Variants in HS3ST5 observed in about 807,000 individuals in gnomAD.
HS3ST5 encodes the protein heparan sulfate-glucosamine 3-sulfotransferase 5.
In HS3ST5, 10 loss-of-function variants were observed where a neutral mutation model predicts 25.4. The ratio of observed to expected loss-of-function variants is 0.39; its 90% CI spans 0.24 to 0.67. HS3ST5 has a LOEUF of 0.67. HS3ST5 is among the 30% of genes least tolerant of loss of function. The pLI, the probability that HS3ST5 is intolerant of heterozygous loss-of-function variation, is 0.44. For missense variants in HS3ST5, 324 were observed against 420.7 expected, an observed-to-expected ratio of 0.77 and a Z score of 2.01; for synonymous variants, 170 against 162.4, an observed-to-expected ratio of 1.05 and a Z score of -0.36.
At chr6:114,126,835 G>T (rs1777062275) in intron 3 of HS3ST5, among the ~76,000 whole-genome samples, 1 of 152,160 alleles carries the variant, frequency 6.6e-6, no homozygotes, top group South Asian at 2.1e-4. Context: ...AGCCATCCTT[G>T]TACCTTTCAA....
chr6:114,257,788 G>C (rs1171473120), intron 1 of HS3ST5, among the ~76,000 whole-genome samples: 1 of 152,004 alleles, frequency 6.6e-6, no homozygotes, highest in Non-Finnish European at 1.5e-5. Context: ...CCAGGCTGGA[G>C]TGCAGTGGCA....
At chr6:114,108,655 C>CA (rs1393551464) in intron 3 of HS3ST5, among the ~76,000 whole-genome samples, 2 of 151,612 alleles carry the variant, frequency 1.3e-5, no homozygotes, top group African/African-American at 4.8e-5. Context: ...ATGGAGCAGG[C>CA]AAAAAATGCA....
In HS3ST5 at chr6:114,093,747, A is replaced by T. The variant is rs191062473; in HGVS notation, c.-32-30870T>A. ...GAACTAAAATCTGAGCAGACAAAAA[A>T]AACGAAAACAAGCCTGCTTTGTATA... On this transcript the variant is annotated intron_variant, in intron 3 of 4. Transcript: ENST00000312719. 1.2e-4 allele frequency among the ~76,000 whole-genome samples: 18 copies of T among 152,306 alleles called. 1 individual carries two copies. The East Asian group carries it at 3.5e-3, about 29-fold the overall frequency.
At chr6:114,259,987 T>C (rs1378390384) in intron 1 of HS3ST5, among the ~76,000 whole-genome samples, 1 of 152,216 alleles carries the variant, frequency 6.6e-6, no homozygotes, top group Non-Finnish European at 1.5e-5. Flanking sequence ...AGTTATCAAG[T>C]TGAGTTATTC....
chr6:114,225,206 C>T (rs963872340), intron 2 of HS3ST5, among the ~76,000 whole-genome samples: 4 of 151,792 alleles, frequency 2.6e-5, no homozygotes, highest in Non-Finnish European at 5.9e-5. Flanking sequence ...AATAGCATGA[C>T]TTATAGTCTC....
chr6:114,083,391 A>G (rs1489250926), intron 3 of HS3ST5, among the ~76,000 whole-genome samples: 2 of 152,076 alleles, frequency 1.3e-5, no homozygotes, highest in Non-Finnish European at 2.9e-5. Flanking sequence ...GGGAGGCAAA[A>G]GAACAAGAGG....
intron 3 of HS3ST5, among the ~76,000 whole-genome samples, chr6:114,107,861 G>A (rs1444098124): frequency 1.3e-5 from 2 of 152,166 alleles, no homozygotes; most frequent in Non-Finnish European, 2.9e-5. Context: ...TATAAATGGA[G>A]CAGTATAACT....
chr6:114,242,252 G>A (rs1017728608), intron 1 of HS3ST5, among the ~76,000 whole-genome samples: 4 of 151,794 alleles, frequency 2.6e-5, no homozygotes, highest in Non-Finnish European at 4.4e-5. Context: ...ATAATATTTT[G>A]GATTTATTTA....
intron 4 of HS3ST5, chr6:114,058,774 G>T (rs1422970184): frequency 6.5e-6 from 1 of 153,228 alleles, no homozygotes; most frequent in Non-Finnish European, 1.5e-5. Context: ...GAGACTCTCT[G>T]CCCTGGGCCT....
chr6:114,093,656 T>C (rs1775264100), intron 3 of HS3ST5, among the ~76,000 whole-genome samples: 2 of 152,072 alleles, frequency 1.3e-5, no homozygotes, highest in East Asian at 1.9e-4. Flanking sequence ...GGCTCCCCAT[T>C]GTGCAGTATC....
rs111358339 is a variant in HS3ST5 at position 114,254,547 on chromosome 6, T to C, written c.-338-25769A>G. Among the ~76,000 whole-genome samples the C allele has an allele frequency of 1.7e-3, 252 of 152,302 alleles. 1 individual carries two copies. The highest frequency in any genetic ancestry group is 5.9e-3 in the African/African-American group (247 of 41,564). The stretch of plus-strand genomic sequence containing the variant: ...GCTTAGGAGGCAGAATTGGCAGTTG[T>C]ATTAGTCCTTTTTCACACTGCTGAT... On this transcript the variant is annotated intron_variant, in intron 1 of 4. Coordinates refer to ENST00000312719, the MANE Select transcript of HS3ST5 (RefSeq NM_153612.4).
intron 3 of HS3ST5, among the ~76,000 whole-genome samples, chr6:114,161,613 G>A (rs1395789080): frequency 1.6e-5 from 2 of 127,166 alleles, no homozygotes; most frequent in African/African-American, 5.8e-5. Context: ...TGTTAGGGAA[G>A]AAGGTTGCAT....
chr6:114,138,999 C>G (rs1007504726), intron 3 of HS3ST5, among the ~76,000 whole-genome samples: 9 of 152,260 alleles, frequency 5.9e-5, no homozygotes, highest in Non-Finnish European at 1.0e-4. Context: ...TGCCCCACCC[C>G]CTAATGTCCT....
chr6:114,116,871 A>G lies in HS3ST5; in HGVS notation c.-33+51480T>C, dbSNP rs561223539. On this transcript the variant is annotated intron_variant, in intron 3 of 4. Transcript: ENST00000312719. ...ATTTTAGCACTTACTGTATTATAAT[A>G]ATCTGTTTACTTATTTGTTCTCCCC... Among the ~76,000 whole-genome samples the G allele has an allele frequency of 2.0e-5, 3 of 152,256 alleles. No individual in the cohort carries two copies. The East Asian group carries it at 5.8e-4, about 29-fold the overall frequency.
At chr6:114,168,941 C>T (rs913346996) in intron 2 of HS3ST5, among the ~76,000 whole-genome samples, 1 of 152,076 alleles carries the variant, frequency 6.6e-6, no homozygotes, top group Non-Finnish European at 1.5e-5. Context: ...TATGCAGTTG[C>T]TGCTTCTTCC....
intron 3 of HS3ST5, among the ~76,000 whole-genome samples, chr6:114,092,483 GTA>G (rs59050179): frequency 0.42 from 64,009 of 151,814 alleles, 14,264 homozygotes; most frequent in Middle Eastern, 0.55. Context: ...GTGGCACAAT[GTA>G]TGAGGCAGGT....
intron 2 of HS3ST5, among the ~76,000 whole-genome samples, chr6:114,198,227 G>A (rs1562234706): frequency 1.3e-5 from 2 of 151,908 alleles, no homozygotes; most frequent in African/African-American, 4.8e-5. Context: ...AACCCAGTCA[G>A]ACAAAAATAA....
chr6:114,143,635 T>A (rs1200912828), intron 3 of HS3ST5: 3 of 152,046 alleles, frequency 2.0e-5, no homozygotes, highest in African/African-American at 7.3e-5. Flanking sequence ...TCAGAAGAAA[T>A]TTTTCCAAAC....
intron 3 of HS3ST5, among the ~76,000 whole-genome samples, chr6:114,166,585 T>TA (rs1396515899): frequency 6.6e-6 from 1 of 152,170 alleles, no homozygotes. Flanking sequence ...TAGATAATGA[T>TA]ACTGTATCCA....
Sources: allele counts gnomAD v4.1 joint callset (sites outside exome capture counted in the v4.1 genomes callset), GRCh38; gene constraint gnomAD v4.1.1; transcripts MANE v1.5; gene names NCBI Gene and HGNC (gene_info 2026-07-23, HGNC 2026-07-21).